PIEZO2: variants seen among roughly 807,000 people sequenced by gnomAD.
PIEZO2 encodes the protein piezo-type mechanosensitive ion channel component 2.
In PIEZO2, 172 loss-of-function variants were observed where a neutral mutation model predicts 337.3. That is an observed-to-expected ratio of 0.51 (90% CI 0.45 to 0.58). The LOEUF (loss-of-function observed/expected upper bound fraction) is 0.58. Ranked by LOEUF, PIEZO2 falls within the 20% of genes least tolerant of loss-of-function variation. The probability of loss-of-function intolerance (pLI) is 0.00; values close to 1 mark genes in which losing one functional copy is unlikely to be tolerated. For missense variants in PIEZO2, 3,028 were observed against 3,391.3 expected, an observed-to-expected ratio of 0.89 and a Z score of 2.66; for synonymous variants, 1,251 against 1,228.5, an observed-to-expected ratio of 1.02 and a Z score of -0.38.
chr18:10,780,669 C>CT (rs11392739), intron 17 of PIEZO2, among the ~76,000 whole-genome samples: 72,733 of 131,160 alleles, frequency 0.55, 21,353 homozygotes, highest in Non-Finnish European at 0.63. Flanking sequence ...TTTAAGGTAC[C>CT]TTTTTTTTTT....
chr18:10,726,312 C>T lies in PIEZO2; in HGVS notation c.5029+5095G>A. 8.4e-7 allele frequency: 1 copy of T among 1,195,120 alleles called. No homozygotes were observed. Among genetic ancestry groups the T allele is most frequent in the Non-Finnish European group, 1.2e-6 (1 of 853,750 alleles). The allele number at this position is 1,195,120 out of a possible 1,614,324, so 74.0% of individuals were successfully genotyped here. ...CGGCCAGAGCCCCGGCCAGGTGGAGCAGGTGGGTCCCCGAACGCCCCGCCC... is the reference window on the plus strand; with the variant it reads ...CGGCCAGAGCCCCGGCCAGGTGGAGTAGGTGGGTCCCCGAACGCCCCGCCC... On this transcript the variant is annotated intron_variant, in intron 36 of 55. Coordinates refer to ENST00000674853, the MANE Select transcript of PIEZO2 (RefSeq NM_001378183.1). The surrounding 1 kb of genome is among the most constrained non-coding windows in gnomAD (Gnocchi z 5.9).
chr18:11,063,828 G>A (rs1007848476), intron 2 of PIEZO2, among the ~76,000 whole-genome samples: 2 of 152,186 alleles, frequency 1.3e-5, no homozygotes, highest in African/African-American at 4.8e-5. Flanking sequence ...ACACTGGAAA[G>A]TCTGAGTATG....
Position 10,726,916 on chromosome 18 carries a change from C to G in PIEZO2, c.5029+4491G>C, listed in dbSNP as rs1775584559. 7.7e-6 allele frequency: 12 copies of G among 1,567,292 alleles called. No individual in the cohort carries two copies. Among genetic ancestry groups the G allele is most frequent in the East Asian group, 2.3e-5 (1 of 44,394 alleles). On this transcript the variant is annotated intron_variant, in intron 36 of 55. Coordinates refer to ENST00000674853, the MANE Select transcript of PIEZO2 (RefSeq NM_001378183.1). The surrounding 1 kb of genome is among the most constrained non-coding windows in gnomAD (Gnocchi z 5.9). The stretch of plus-strand genomic sequence containing the variant: ...CACCAACCGGCTGGATGTGGCGGAG[C>G]TGGGTCGCCTGCTGCCCGACTGATG...
chr18:10,807,195 A>G lies in PIEZO2; in HGVS notation c.997T>C (p.Tyr333His). ...KIIVNPDLSW[Y>H]HHANPILLLV... ...AGGAGGATAGGGTTGGCGTGGTGGT[A>G]CCACGACAGGTCCGGGTTCACTATG... The change falls in exon 8 of 56, where the codon TAC becomes CAC. Residue 333 changes from tyrosine (Y) to histidine (H), a missense_variant. Physicochemically the swap from Tyr to His is moderately conservative, Grantham distance 83. Coordinates refer to ENST00000674853, the MANE Select transcript of PIEZO2 (RefSeq NM_001378183.1). The G allele has an allele frequency of 6.5e-7, 1 of 1,537,290 alleles. No homozygotes were observed. The highest frequency in any genetic ancestry group is 1.7e-4 in the Middle Eastern group (1 of 5,990).
chr18:11,049,462 G>T (rs1028771137), intron 2 of PIEZO2, among the ~76,000 whole-genome samples: 2 of 152,210 alleles, frequency 1.3e-5, no homozygotes, highest in African/African-American at 2.4e-5. Context: ...ATGGTAACTT[G>T]AAGAGCTGAT....
At chr18:10,921,715 A>T (rs2031420228) in intron 3 of PIEZO2, among the ~76,000 whole-genome samples, 1 of 152,186 alleles carries the variant, frequency 6.6e-6, no homozygotes, top group Admixed American at 6.5e-5. Flanking sequence ...CGGGCGGAAA[A>T]GAGCCATATT....
At chr18:10,985,833 AAC>A (rs1486841573) in intron 2 of PIEZO2, among the ~76,000 whole-genome samples, 1 of 152,008 alleles carries the variant, frequency 6.6e-6, no homozygotes, top group African/African-American at 2.4e-5. Context: ...GAAATTACAG[AAC>A]AGTCAGTAAA....
intron 2 of PIEZO2, among the ~76,000 whole-genome samples, chr18:11,030,799 C>T (rs2625369): frequency 0.23 from 34,783 of 151,956 alleles, 4,872 homozygotes; most frequent in African/African-American, 0.39. Context: ...AAAACAAGCA[C>T]CTAGACAAAA....
chr18:10,674,890 G>A (rs1024242714), intron 54 of PIEZO2, among the ~76,000 whole-genome samples: 1 of 152,204 alleles, frequency 6.6e-6, no homozygotes, highest in African/African-American at 2.4e-5. Context: ...AGCAATGTAT[G>A]AGGCAGTTTC....
intron 30 of PIEZO2, among the ~76,000 whole-genome samples, chr18:10,745,376 C>A (rs1253331132): frequency 6.6e-6 from 1 of 152,172 alleles, no homozygotes; most frequent in Non-Finnish European, 1.5e-5. Context: ...AAAACCGACA[C>A]ACGACCACAT....
Position 10,945,729 on chromosome 18 carries a change from C to A in PIEZO2, c.286+33806G>T, listed in dbSNP as rs189453499. On this transcript the variant is annotated intron_variant, in intron 3 of 55. Coordinates refer to ENST00000674853, the MANE Select transcript of PIEZO2 (RefSeq NM_001378183.1). The surrounding 1 kb of genome is among the most constrained non-coding windows in gnomAD (Gnocchi z 4.0). ...TCAATCAAAATCTTCCCAGAACTGC[C>A]AAAGGTGTTCAAATTGGAAGGCAAG... Among the ~76,000 whole-genome samples the A allele has an allele frequency of 6.6e-6, 1 of 152,188 alleles. No homozygotes were observed. Among genetic ancestry groups the A allele is most frequent in the African/African-American group, 2.4e-5 (1 of 41,532 alleles).
intron 7 of PIEZO2, among the ~76,000 whole-genome samples, chr18:10,810,791 T>A (rs752023675): frequency 6.6e-6 from 1 of 152,108 alleles, no homozygotes; most frequent in Non-Finnish European, 1.5e-5. Flanking sequence ...GCAATGAAGA[T>A]CCAAGAAATA....
intron 2 of PIEZO2, among the ~76,000 whole-genome samples, chr18:11,012,552 G>A (rs917856166): frequency 3.9e-5 from 6 of 152,090 alleles, no homozygotes; most frequent in Non-Finnish European, 4.4e-5. Context: ...TTCACTGTAC[G>A]CTCTTGGGCA....
At chr18:10,804,444 A>G (rs941881603) in intron 8 of PIEZO2, among the ~76,000 whole-genome samples, 1 of 152,226 alleles carries the variant, frequency 6.6e-6, no homozygotes, top group Non-Finnish European at 1.5e-5. Flanking sequence ...ATCTATGCAC[A>G]TGAGACATTT....
chr18:10,919,967 A>G (rs1389116510), intron 3 of PIEZO2, among the ~76,000 whole-genome samples: 1 of 152,146 alleles, frequency 6.6e-6, no homozygotes, highest in Non-Finnish European at 1.5e-5. Context: ...CTGAATTGCA[A>G]AACTCAAATT....
Position 11,110,068 on chromosome 18 carries a change from G to A in PIEZO2, c.64+38457C>T, listed in dbSNP as rs1351285440. Reference sequence around the variant, plus strand: ...GACAATGACAGGTTCAGGAGTAACTGCAATGCTCTCATTTTCCCAAGACTA... The same window carrying A: ...GACAATGACAGGTTCAGGAGTAACTACAATGCTCTCATTTTCCCAAGACTA... On this transcript the variant is annotated intron_variant, in intron 1 of 55. Coordinates refer to ENST00000674853, the MANE Select transcript of PIEZO2 (RefSeq NM_001378183.1). The surrounding 1 kb of genome is among the most constrained non-coding windows in gnomAD (Gnocchi z 4.2). Among the ~76,000 whole-genome samples, 1 of 152,110 alleles carries A rather than the reference G, an allele frequency of 6.6e-6. No homozygotes were observed. The highest frequency in any genetic ancestry group is 1.5e-5 in the Non-Finnish European group (1 of 68,010).
intron 3 of PIEZO2, among the ~76,000 whole-genome samples, chr18:10,944,889 G>A (rs4519390): frequency 0.58 from 88,690 of 151,932 alleles, 26,321 homozygotes; most frequent in African/African-American, 0.65. Flanking sequence ...TAAGGGGGGA[G>A]AAAAAGAAGC....
Position 11,131,682 on chromosome 18 carries a change from A to G in PIEZO2, c.64+16843T>C, listed in dbSNP as rs2040343759. 6.6e-6 allele frequency among the ~76,000 whole-genome samples: 1 copy of G among 152,240 alleles called. No individual in the cohort carries two copies. The highest frequency in any genetic ancestry group is 1.5e-5 in the Non-Finnish European group (1 of 68,042). On this transcript the variant is annotated intron_variant, in intron 1 of 55. Transcript: ENST00000674853. This position sits in a 1 kb window ranked among gnomAD's most constrained non-coding sequence, Gnocchi z 5.3. ...TAGCCAATGTTTTGGCTGGATGGTC[A>G]GGGACTTGGAAAAAGCACGATGGGA...
chr18:10,820,923 T>C (rs1489845514), intron 7 of PIEZO2, among the ~76,000 whole-genome samples: 1 of 152,180 alleles, frequency 6.6e-6, no homozygotes. Flanking sequence ...TTTTCAGAAA[T>C]CTATATGAGC....
Sources: gnomAD v4.1 joint callset for allele counts (sites outside exome capture counted in the v4.1 genomes callset) on GRCh38, gnomAD v4.1.1 for gene constraint, Gnocchi (gnomAD v3.1) non-coding constraint, MANE v1.5 for transcripts, NCBI Gene and HGNC (gene_info 2026-07-23, HGNC 2026-07-21) for gene names.